The following CNTNAP2 variants were observed in gnomAD, a reference collection of about 807,000 sequenced individuals.
CNTNAP2 encodes the protein contactin associated protein 2, also known as contactin-associated protein-like 2.
In CNTNAP2, 98 loss-of-function variants were observed where a neutral mutation model predicts 155.2. The ratio of observed to expected loss-of-function variants is 0.63; its 90% CI spans 0.54 to 0.75. The LOEUF is 0.75. Among genes scored for constraint, CNTNAP2 ranks in the 30% least tolerant of loss-of-function variants. The probability of loss-of-function intolerance (pLI) is 0.00; values close to 1 mark genes in which losing one functional copy is unlikely to be tolerated. For synonymous variants in CNTNAP2, 651 were observed against 631.2 expected, an observed-to-expected ratio of 1.03 and a Z score of -0.47; for missense variants, 1,727 against 1,688.1, an observed-to-expected ratio of 1.02 and a Z score of -0.40.
At chr7:147,075,602 A>G (rs1410177823) in intron 4 of CNTNAP2, among the ~76,000 whole-genome samples, 1 of 152,140 alleles carries the variant, frequency 6.6e-6, no homozygotes. Flanking sequence ...TTTTAATATG[A>G]TATTTTTAAA....
At chr7:147,767,008 G>A (rs1298040920) in intron 13 of CNTNAP2, among the ~76,000 whole-genome samples, 2 of 151,950 alleles carry the variant, frequency 1.3e-5, no homozygotes, top group Non-Finnish European at 2.9e-5. Context: ...TATTGTACCA[G>A]ATACCATTAT....
chr7:146,269,237 G>A (rs1214121424), intron 1 of CNTNAP2, among the ~76,000 whole-genome samples: 2 of 152,168 alleles, frequency 1.3e-5, no homozygotes, highest in Non-Finnish European at 2.9e-5. Context: ...GCACTTGGGA[G>A]GCTGAGGCAG....
intron 9 of CNTNAP2, among the ~76,000 whole-genome samples, chr7:147,320,244 G>C (rs553299967): frequency 1.3e-5 from 2 of 152,264 alleles, no homozygotes; most frequent in South Asian, 4.1e-4. Context: ...GAAAGATGCT[G>C]AAGATATTTC....
At chr7:148,235,242 T>C (rs1222244096) in intron 20 of CNTNAP2, among the ~76,000 whole-genome samples, 2 of 152,230 alleles carry the variant, frequency 1.3e-5, no homozygotes, top group East Asian at 3.8e-4. Context: ...GCATCAATTG[T>C]TAATTGAACT....
intron 23 of CNTNAP2, 43 bp from the exon 24 acceptor site, chr7:148,415,374 C>T: frequency 1.2e-6 from 2 of 1,603,750 alleles, no homozygotes; most frequent in African/African-American, 2.7e-5. Flanking sequence ...GGAGGGACTC[C>T]CAAGCCCTGT....
intron 11 of CNTNAP2, among the ~76,000 whole-genome samples, chr7:147,504,465 G>A (rs183644835): frequency 1.7e-3 from 258 of 152,158 alleles, no homozygotes; most frequent in African/African-American, 6.1e-3. Flanking sequence ...GAGGCGGGAG[G>A]ATCACTTGAG....
intron 6 of CNTNAP2, among the ~76,000 whole-genome samples, chr7:147,127,943 A>G (rs1801274330): frequency 1.3e-5 from 2 of 152,194 alleles, no homozygotes; most frequent in Admixed American, 6.5e-5. Flanking sequence ...GCAATTTTGT[A>G]TCATATAAAT....
chr7:148,130,078 C>T (rs554092483), intron 16 of CNTNAP2, among the ~76,000 whole-genome samples: 3 of 152,296 alleles, frequency 2.0e-5, no homozygotes, highest in South Asian at 4.1e-4. Context: ...CTCAACATAT[C>T]GAAACTGAAA....
At chr7:147,923,519 T>A (rs1316712618) in intron 14 of CNTNAP2, among the ~76,000 whole-genome samples, 1 of 152,100 alleles carries the variant, frequency 6.6e-6, no homozygotes, top group Non-Finnish European at 1.5e-5. Flanking sequence ...AATTTATTTT[T>A]AAAAATTTTT....
chr7:148,284,265 TG>T (rs1173984684), intron 21 of CNTNAP2, among the ~76,000 whole-genome samples: 3 of 152,104 alleles, frequency 2.0e-5, no homozygotes, highest in Admixed American at 6.5e-5. Flanking sequence ...AATTGAATCA[TG>T]GGGGGGTTTC....
chr7:148,010,756 C>T (rs1286664107), intron 15 of CNTNAP2, among the ~76,000 whole-genome samples: 2 of 151,946 alleles, frequency 1.3e-5, no homozygotes, highest in African/African-American at 2.4e-5. Flanking sequence ...TCACCCTCTG[C>T]CCCCACATAT....
chr7:147,428,808 G>T (rs917354909), intron 10 of CNTNAP2, among the ~76,000 whole-genome samples: 1 of 152,028 alleles, frequency 6.6e-6, no homozygotes, highest in Admixed American at 6.6e-5. Context: ...AGTTTTTTGG[G>T]AACAGGTGGT....
intron 9 of CNTNAP2, among the ~76,000 whole-genome samples, chr7:147,335,802 T>A (rs700294): frequency 0.79 from 120,323 of 152,106 alleles, 48,293 homozygotes; most frequent in African/African-American, 0.93. Flanking sequence ...TTTTTAAATT[T>A]AGCCTTATTA....
chr7:147,098,698 G>A (rs1800593943), intron 4 of CNTNAP2, among the ~76,000 whole-genome samples: 1 of 152,036 alleles, frequency 6.6e-6, no homozygotes, highest in Admixed American at 6.5e-5. Flanking sequence ...TGTACTGAGT[G>A]TTTTCTAATA....
chr7:146,626,702 T>G (rs574086747), intron 1 of CNTNAP2, among the ~76,000 whole-genome samples: 1 of 152,132 alleles, frequency 6.6e-6, no homozygotes, highest in Non-Finnish European at 1.5e-5. Flanking sequence ...AGTAAAAAGA[T>G]ACAAAAGAAA....
intron 8 of CNTNAP2, among the ~76,000 whole-genome samples, chr7:147,222,190 T>A (rs1156830315): frequency 6.6e-6 from 1 of 152,164 alleles, no homozygotes; most frequent in African/African-American, 2.4e-5. Context: ...ATTTGGTTCA[T>A]CTGTCTCTTC....
chr7:146,534,441 C>T (rs1797816030), intron 1 of CNTNAP2, among the ~76,000 whole-genome samples: 1 of 152,016 alleles, frequency 6.6e-6, no homozygotes. Context: ...TTGACAGTCT[C>T]TGCGTTTATC....
chr7:146,919,936 G>A (rs1266388440), intron 3 of CNTNAP2, among the ~76,000 whole-genome samples: 2 of 152,138 alleles, frequency 1.3e-5, no homozygotes, highest in African/African-American at 4.8e-5. Flanking sequence ...AGTGGGAGCT[G>A]CAAGTTGGTC....
intron 13 of CNTNAP2, among the ~76,000 whole-genome samples, chr7:147,887,874 TAGAA>T (rs1287627995): frequency 6.6e-6 from 1 of 152,218 alleles, no homozygotes; most frequent in African/African-American, 2.4e-5. Flanking sequence ...AGCTATGTAA[TAGAA>T]AGCCAGTTCT....
Sources: allele counts gnomAD v4.1 joint callset (sites outside exome capture counted in the v4.1 genomes callset), GRCh38; gene constraint gnomAD v4.1.1; transcripts MANE v1.5; gene names NCBI Gene and HGNC (gene_info 2026-07-23, HGNC 2026-07-21).